SGCD: variants seen among roughly 807,000 people sequenced by gnomAD.
SGCD encodes the protein sarcoglycan delta.
SGCD carries 18 observed loss-of-function variants against 36.6 expected under a neutral mutation model. That is an observed-to-expected ratio of 0.49 (90% CI 0.34 to 0.73). The LOEUF is 0.73. Ranked by LOEUF, SGCD falls within the 30% of genes least tolerant of loss-of-function variation. The pLI, the probability that SGCD is intolerant of heterozygous loss-of-function variation, is 0.01. For missense variants in SGCD, 387 were observed against 346.7 expected (o/e 1.12, Z -0.92); for synonymous variants, 133 against 130.6 (o/e 1.02, Z -0.12).
chr5:155,862,889 T>C, the SGCD span, among the ~76,000 whole-genome samples: 4 of 152,210 alleles, frequency 2.6e-5, no homozygotes, highest in South Asian at 8.3e-4. Flanking sequence ...AGCCATTTAT[T>C]AAGGAGCCCT....
chr5:156,130,789 CAATCTTG>C (rs934103976), intron 3 of SGCD, among the ~76,000 whole-genome samples: 2 of 151,724 alleles, frequency 1.3e-5, no homozygotes, highest in Non-Finnish European at 2.9e-5. Flanking sequence ...TACATTGGTG[CAATCTTG>C]ACTCACCACA....
rs114458791 is a variant in SGCD, at chr5:156,293,080, G to A, written c.-43-36454G>A. Among the ~76,000 whole-genome samples the A allele has an allele frequency of 2.5e-3, 374 of 151,612 alleles. 1 individual carries two copies. The highest frequency in any genetic ancestry group is 8.8e-3 in the African/African-American group (363 of 41,370). ...CCTTTCTTTTCTGTTTTTTTTTAGA[G>A]GTGGGGTCTTTTTATGTTGCATAGG... On this transcript the variant is annotated intron_variant, in intron 3 of 9. Coordinates refer to the SGCD transcript ENST00000517913.
chr5:156,222,472 C>T (rs1324408253), intron 3 of SGCD, among the ~76,000 whole-genome samples: 1 of 152,046 alleles, frequency 6.6e-6, no homozygotes, highest in Admixed American at 6.6e-5. Context: ...CTTCCATTAG[C>T]TTTTACGGCG....
chr5:155,814,226 C>A, the SGCD span, among the ~76,000 whole-genome samples: 2 of 152,264 alleles, frequency 1.3e-5, no homozygotes, highest in South Asian at 4.1e-4. Context: ...TACCTTGGTC[C>A]TCTCCACTTC....
At chr5:156,107,818 C>G (rs1315161292) in intron 1 of SGCD, among the ~76,000 whole-genome samples, 1 of 152,136 alleles carries the variant, frequency 6.6e-6, no homozygotes, top group Non-Finnish European at 1.5e-5. Flanking sequence ...AACAGCAATT[C>G]TCTTTTTCCA....
chr5:156,188,672 C>CCA (rs1437602342), intron 3 of SGCD, among the ~76,000 whole-genome samples: 1 of 135,794 alleles, frequency 7.4e-6, no homozygotes, highest in African/African-American at 2.7e-5. Context: ...CCAACCGCCC[C>CCA]CCCCGACACA....
At chr5:156,709,711 A>G (rs1180294750) in intron 7 of SGCD, among the ~76,000 whole-genome samples, 1 of 152,100 alleles carries the variant, frequency 6.6e-6, no homozygotes, top group African/African-American at 2.4e-5. Flanking sequence ...ACCCATTAGT[A>G]ATATTGCCAG....
intron 1 of SGCD, among the ~76,000 whole-genome samples, chr5:156,081,500 C>A (rs1760951764): frequency 6.6e-6 from 1 of 152,088 alleles, no homozygotes; most frequent in Non-Finnish European, 1.5e-5. Flanking sequence ...ATAAGCAATT[C>A]CTCCTGCCTC....
rs1757588280 is a variant in SGCD at position 156,766,394 on chromosome 5, C to G, written c.*7004C>G. ...GCTGACCACTCTGGTCCTGTAATGTCTTTGGCCTCACACCTTGGCAGCCAT... is the reference window on the plus strand; with the variant it reads ...GCTGACCACTCTGGTCCTGTAATGTGTTTGGCCTCACACCTTGGCAGCCAT... On this transcript the variant is annotated 3_prime_UTR_variant, in exon 9 of 9. Coordinates refer to ENST00000337851, the MANE Select transcript of SGCD (RefSeq NM_000337.6). 6.6e-6 allele frequency: 1 copy of G among 151,786 alleles called. No individual in the cohort carries two copies. The highest frequency in any genetic ancestry group is 2.4e-5 in the African/African-American group (1 of 41,248). The allele number at this position is 151,786 out of a possible 1,614,324, so 9.4% of individuals were successfully genotyped here. A position where few individuals can be genotyped will look rare whatever the true frequency, so the allele number is the denominator to read the frequency against.
intron 1 of SGCD, among the ~76,000 whole-genome samples, chr5:155,939,587 G>C (rs2113407092): frequency 6.7e-6 from 1 of 149,694 alleles, no homozygotes; most frequent in South Asian, 2.1e-4. Flanking sequence ...AGAGGTTGCA[G>C]TGAGTTGAGA....
intron 1 of SGCD, among the ~76,000 whole-genome samples, chr5:155,878,572 C>A (rs1755813027): frequency 6.6e-6 from 1 of 152,012 alleles, no homozygotes; most frequent in African/African-American, 2.4e-5. Context: ...ATAAAACTAC[C>A]TTGATAAGAA....
At chr5:156,368,590 C>T (rs1224209790) in intron 3 of SGCD, among the ~76,000 whole-genome samples, 3 of 152,194 alleles carry the variant, frequency 2.0e-5, no homozygotes, top group African/African-American at 4.8e-5. Flanking sequence ...TAGACCAGTA[C>T]TGGCTAGCAA....
intron 3 of SGCD, among the ~76,000 whole-genome samples, chr5:156,471,018 G>A (rs971553410): frequency 2.0e-5 from 3 of 151,994 alleles, no homozygotes; most frequent in Non-Finnish European, 4.4e-5. Flanking sequence ...TTTAAATTTT[G>A]AATAAAGGGA....
chr5:156,020,131 AC>A (rs1458606294), intron 1 of SGCD, among the ~76,000 whole-genome samples: 8 of 152,302 alleles, frequency 5.3e-5, no homozygotes, highest in African/African-American at 1.9e-4. Flanking sequence ...ACATGTACTT[AC>A]TTTTATATAT....
chr5:156,376,443 A>T (rs1177845018), intron 3 of SGCD, among the ~76,000 whole-genome samples: 1 of 152,242 alleles, frequency 6.6e-6, no homozygotes, highest in Non-Finnish European at 1.5e-5. Context: ...AAAGGTGAAC[A>T]TAAATTTTTG....
chr5:155,972,948 G>C (rs916876533), intron 1 of SGCD, among the ~76,000 whole-genome samples: 4 of 151,986 alleles, frequency 2.6e-5, no homozygotes, highest in Non-Finnish European at 5.9e-5. Flanking sequence ...ATTAACCCTA[G>C]ATATGTCACA....
At chr5:156,429,213 A>G (rs1434579778) in intron 3 of SGCD, among the ~76,000 whole-genome samples, 1 of 148,600 alleles carries the variant, frequency 6.7e-6, no homozygotes, top group Non-Finnish European at 1.5e-5. Flanking sequence ...TAGGACTGTG[A>G]TACCTTCCTG....
At chr5:156,043,753 T>A (rs1330566540) in intron 1 of SGCD, among the ~76,000 whole-genome samples, 3 of 151,980 alleles carry the variant, frequency 2.0e-5, no homozygotes, top group Admixed American at 6.6e-5. Flanking sequence ...AAAAATAGAG[T>A]AATATCCAAC....
intron 3 of SGCD, among the ~76,000 whole-genome samples, chr5:156,168,928 C>T: frequency 6.6e-6 from 1 of 152,310 alleles, no homozygotes; most frequent in East Asian, 1.9e-4. Context: ...CCCAGGCACT[C>T]TCTGCATGTG....
Sources: gnomAD v4.1 joint callset for allele counts (sites outside exome capture counted in the v4.1 genomes callset) on GRCh38, gnomAD v4.1.1 for gene constraint, MANE v1.5 for transcripts, NCBI Gene and HGNC (gene_info 2026-07-23, HGNC 2026-07-21) for gene names.